CSMD1: variants seen among roughly 807,000 people sequenced by gnomAD.
CSMD1 encodes CUB and sushi domain-containing protein 1.
In CSMD1, 213 loss-of-function variants were observed where a neutral mutation model predicts 417.5. That is an observed-to-expected ratio of 0.51 (90% CI 0.46 to 0.57). The LOEUF (loss-of-function observed/expected upper bound fraction) is 0.57. CSMD1 is among the 20% of genes least tolerant of loss of function. CSMD1 has a pLI of 0.00. For synonymous variants in CSMD1, 2,862 were observed against 1,736.8 expected (o/e 1.65, Z -16.11); for missense variants, 6,923 against 4,529.7 (o/e 1.53, Z -15.17).
intron 8 of CSMD1, among the ~76,000 whole-genome samples, chr8:3,599,907 G>A (rs2117073277): frequency 1.3e-5 from 2 of 152,294 alleles, no homozygotes; most frequent in East Asian, 1.9e-4. Context: ...CCCTTCCAGA[G>A]GAAGCAACAT....
intron 3 of CSMD1, among the ~76,000 whole-genome samples, chr8:4,355,306 T>C (rs1801357717): frequency 7.1e-6 from 1 of 139,986 alleles, no homozygotes; most frequent in Non-Finnish European, 1.6e-5. Flanking sequence ...AACCACTTCA[T>C]ACACACACAC....
rs555647316 is a variant in CSMD1, at chr8:4,623,942, A to G, written c.302+13400T>C. On this transcript the variant is annotated intron_variant, in intron 2 of 69. Transcript: ENST00000635120. ...GGTGGTGTTCCACGGTTGTATATAA[A>G]TCTCATCCAATTTAAAATTTTCAAT... is the stretch of plus-strand genomic sequence containing the variant. Among the ~76,000 whole-genome samples, 5 of 152,188 alleles carry G rather than the reference A, an allele frequency of 3.3e-5. No homozygotes were observed. In the South Asian group the frequency reaches 6.2e-4, roughly 19 times the overall value.
At chr8:3,421,819 G>A (rs1462998507) in intron 12 of CSMD1, among the ~76,000 whole-genome samples, 1 of 152,094 alleles carries the variant, frequency 6.6e-6, no homozygotes, top group Non-Finnish European at 1.5e-5. Context: ...TGTATTTTTC[G>A]TACAGACAGG....
At chr8:4,329,877 C>G (rs936530290) in intron 3 of CSMD1, among the ~76,000 whole-genome samples, 3 of 151,624 alleles carry the variant, frequency 2.0e-5, no homozygotes, top group African/African-American at 4.9e-5. Context: ...CACACACAGA[C>G]ACACACACTC....
chr8:3,550,160 C>T (rs1798848303), intron 10 of CSMD1, among the ~76,000 whole-genome samples: 1 of 152,180 alleles, frequency 6.6e-6, no homozygotes, highest in Non-Finnish European at 1.5e-5. Flanking sequence ...ATCTAGGAGC[C>T]ATGCTTCACC....
chr8:4,388,791 C>T (rs1001226941), intron 3 of CSMD1, among the ~76,000 whole-genome samples: 1 of 152,164 alleles, frequency 6.6e-6, no homozygotes, highest in Non-Finnish European at 1.5e-5. Context: ...AGTCCTTGAT[C>T]CTCCCAGTAC....
At chr8:4,203,792 T>G (rs1373027669) in intron 3 of CSMD1, among the ~76,000 whole-genome samples, 1 of 152,126 alleles carries the variant, frequency 6.6e-6, no homozygotes, top group African/African-American at 2.4e-5. Flanking sequence ...ATAAGCTAAT[T>G]TGAGGATGGA....
intron 3 of CSMD1, among the ~76,000 whole-genome samples, chr8:4,119,606 C>G (rs1203444530): frequency 6.8e-6 from 1 of 147,626 alleles, no homozygotes; most frequent in African/African-American, 2.5e-5. Flanking sequence ...AGGGAGGAGA[C>G]CAGGACTTCT....
At chr8:3,318,234 A>T (rs1805909639) in intron 23 of CSMD1, among the ~76,000 whole-genome samples, 1 of 151,964 alleles carries the variant, frequency 6.6e-6, no homozygotes, top group Non-Finnish European at 1.5e-5. Context: ...TCTTACTATA[A>T]TGTTTTGCTT....
chr8:3,270,613 T>G (rs939800049), intron 26 of CSMD1, among the ~76,000 whole-genome samples: 3 of 152,168 alleles, frequency 2.0e-5, no homozygotes, highest in African/African-American at 7.2e-5. Flanking sequence ...GCCCTTTTAT[T>G]ATATAGGTAT....
At chr8:4,382,178 A>G (rs1803147117) in intron 3 of CSMD1, among the ~76,000 whole-genome samples, 2 of 152,220 alleles carry the variant, frequency 1.3e-5, no homozygotes, top group Non-Finnish European at 2.9e-5. Context: ...ATGTTATTAT[A>G]TAATTAGGAA....
At chr8:3,737,713 A>T (rs1357192676) in intron 6 of CSMD1, among the ~76,000 whole-genome samples, 1 of 152,184 alleles carries the variant, frequency 6.6e-6, no homozygotes, top group Non-Finnish European at 1.5e-5. Flanking sequence ...CTGACTTCCA[A>T]ATTGAGGCAG....
At position 3,933,069 on chromosome 8, in the gene CSMD1, A is replaced by T. The variant is rs1224520424; in HGVS notation, c.818+64834T>A. Among the ~76,000 whole-genome samples, 32 of 9,386 alleles carry T rather than the reference A, an allele frequency of 3.4e-3. 4 individuals are homozygous for T. The allele number at this position is 9,386 out of a possible 152,430, so 6.2% of individuals were successfully genotyped here. ...CTGCTTGTGGCAAATTATCTCATTA[A>T]AAAAAAACAAAAGAAACAACATTAT... On this transcript the variant is annotated intron_variant, in intron 5 of 69. Coordinates refer to ENST00000635120, the MANE Select transcript of CSMD1 (RefSeq NM_033225.6).
intron 1 of CSMD1, among the ~76,000 whole-genome samples, chr8:4,795,043 G>C (rs945955537): frequency 2.6e-5 from 4 of 151,850 alleles, no homozygotes; most frequent in Non-Finnish European, 5.9e-5. Context: ...GTGGGTGGGT[G>C]TGTGTTTAAG....
At position 3,115,634 on chromosome 8, in the gene CSMD1, A is replaced by G. The variant is rs1225105561; in HGVS notation, c.6430+2765T>C. On this transcript the variant is annotated intron_variant, in intron 42 of 69. Coordinates refer to ENST00000635120, the MANE Select transcript of CSMD1 (RefSeq NM_033225.6). ...CTTTCATTTGTTTACTTTCATAGAT[A>G]TCATAATTTCAGATCACAGTTTTTC... Among the ~76,000 whole-genome samples the G allele has an allele frequency of 2.0e-5, 3 of 152,182 alleles. No individual in the cohort carries two copies. In the East Asian group the frequency reaches 5.8e-4, roughly 29 times the overall value.
intron 10 of CSMD1, among the ~76,000 whole-genome samples, chr8:3,504,346 G>A (rs745726635): frequency 6.6e-6 from 1 of 152,154 alleles, no homozygotes; most frequent in Non-Finnish European, 1.5e-5. Flanking sequence ...TGAAAGAATT[G>A]TTTAACCTTT....
chr8:3,778,964 T>G (rs1010843221), intron 5 of CSMD1, among the ~76,000 whole-genome samples: 1 of 152,174 alleles, frequency 6.6e-6, no homozygotes, highest in African/African-American at 2.4e-5. Flanking sequence ...AGCCTTGGCT[T>G]GTGTTCTTTT....
At chr8:4,370,863 C>G (rs774201486) in intron 3 of CSMD1, among the ~76,000 whole-genome samples, 1 of 152,182 alleles carries the variant, frequency 6.6e-6, no homozygotes, top group East Asian at 1.9e-4. Context: ...CTGTTTCAAC[C>G]TCCTCTTGTA....
chr8:3,875,440 G>C (rs1414704153), intron 5 of CSMD1, among the ~76,000 whole-genome samples: 1 of 152,146 alleles, frequency 6.6e-6, no homozygotes, highest in Non-Finnish European at 1.5e-5. Flanking sequence ...GAGGGAGTGA[G>C]ATGATGTAGG....
Sources: allele counts gnomAD v4.1 joint callset (sites outside exome capture counted in the v4.1 genomes callset), GRCh38; gene constraint gnomAD v4.1.1; transcripts MANE v1.5; gene names NCBI Gene and HGNC (gene_info 2026-07-23, HGNC 2026-07-21).